Variants in IGF2BP3 observed in about 807,000 individuals in gnomAD.
The protein encoded by IGF2BP3 is insulin-like growth factor 2 mRNA-binding protein 3.
Under a neutral mutation model 73.8 loss-of-function variants are expected in IGF2BP3, and 9 were observed. The ratio of observed to expected loss-of-function variants is 0.12; its 90% CI spans 0.07 to 0.21. The LOEUF is 0.21. Ranked by LOEUF, IGF2BP3 falls within the 10% of genes least tolerant of loss-of-function variation. The probability of loss-of-function intolerance (pLI) is 1.00; values close to 1 mark genes in which losing one functional copy is unlikely to be tolerated. For synonymous variants in IGF2BP3, 258 were observed against 256.7 expected (o/e 1.01, Z -0.05); for missense variants, 542 against 714.0 (o/e 0.76, Z 2.75).
At chr7:23,459,052 C>T (rs1216704842) in intron 2 of IGF2BP3, among the ~76,000 whole-genome samples, 1 of 152,216 alleles carries the variant, frequency 6.6e-6, no homozygotes, top group African/African-American at 2.4e-5. Context: ...TTTGGTAAAG[C>T]ATCTACTGTG....
In IGF2BP3 at chr7:23,450,302, G is replaced by C. The variant is rs138138885; in HGVS notation, c.236+18180C>G. Reference sequence around the variant, plus strand: ...GTTGTTTGAGTTGCAAGACGAACCAGTCAAGCACCGTTTCTACCTGAAGAA... The same window carrying C: ...GTTGTTTGAGTTGCAAGACGAACCACTCAAGCACCGTTTCTACCTGAAGAA... On this transcript the variant is annotated intron_variant, in intron 2 of 14. Coordinates refer to ENST00000258729, the MANE Select transcript of IGF2BP3 (RefSeq NM_006547.3). Among the ~76,000 whole-genome samples the C allele has an allele frequency of 6.1e-3, 926 of 152,298 alleles. 11 individuals are homozygous for C. Among genetic ancestry groups the C allele is most frequent in the African/African-American group, 0.021 (886 of 41,566 alleles).
At chr7:23,384,049 T>C (rs942307978) in intron 3 of IGF2BP3, among the ~76,000 whole-genome samples, 8 of 147,032 alleles carry the variant, frequency 5.4e-5, no homozygotes, top group Non-Finnish European at 1.2e-4. Flanking sequence ...TGAGCCGAGA[T>C]TGTGCCACTG....
intron 10 of IGF2BP3, among the ~76,000 whole-genome samples, chr7:23,322,145 C>A (rs1056100341): frequency 6.6e-6 from 1 of 152,062 alleles, no homozygotes; most frequent in South Asian, 2.1e-4. Flanking sequence ...GAAATTCAAA[C>A]CAAAGGCAAA....
chr7:23,321,424 G>A (rs187216998), intron 10 of IGF2BP3, among the ~76,000 whole-genome samples: 2,828 of 152,302 alleles, frequency 0.019, 48 homozygotes, highest in South Asian at 0.069. Context: ...AGGGTCGTAC[G>A]CCCACGGAGT....
At chr7:23,316,412 T>A (rs1240687302) in intron 12 of IGF2BP3, among the ~76,000 whole-genome samples, 2 of 152,152 alleles carry the variant, frequency 1.3e-5, no homozygotes, top group Non-Finnish European at 2.9e-5. Flanking sequence ...AGGAGCACAG[T>A]GGCTGATGCC....
At position 23,407,949 on chromosome 7, in the gene IGF2BP3, GGGGC is replaced by G. The variant is rs1340643035; in HGVS notation, c.285+10823_285+10826del. Reference sequence around the variant, plus strand: ...TTGGTTCAACATTTGTGGGGGGCAGGGGGCGGGGGGCGGGGGGGGGGGGAGTCAA... The same window carrying G: ...TTGGTTCAACATTTGTGGGGGGCAGGGGGGGGCGGGGGGGGGGGGAGTCAA... On this transcript the variant is annotated intron_variant, in intron 3 of 14. Transcript: ENST00000258729. 8.9e-3 allele frequency among the ~76,000 whole-genome samples: 536 copies of G among 60,236 alleles called. 12 individuals carry two copies. The highest frequency in any genetic ancestry group is 0.015 in the Non-Finnish European group (431 of 27,836). 39.5% of individuals were successfully genotyped at this position (60,236 alleles called of 152,430 possible).
intron 2 of IGF2BP3, among the ~76,000 whole-genome samples, chr7:23,437,452 C>T (rs1344280964): frequency 6.6e-6 from 1 of 151,718 alleles, no homozygotes; most frequent in Non-Finnish European, 1.5e-5. Context: ...CATTGCATTC[C>T]AGCCTGGGGG....
chr7:23,438,689 C>T (rs944675364), intron 2 of IGF2BP3, among the ~76,000 whole-genome samples: 1 of 152,134 alleles, frequency 6.6e-6, no homozygotes, highest in African/African-American at 2.4e-5. Flanking sequence ...GGTTGTTAGG[C>T]TGATAAAATA....
intron 3 of IGF2BP3, among the ~76,000 whole-genome samples, chr7:23,377,398 G>A (rs1785761932): frequency 6.6e-6 from 1 of 152,080 alleles, no homozygotes; most frequent in Non-Finnish European, 1.5e-5. Context: ...TAGTCAGTAG[G>A]GTAACAGAAA....
chr7:23,382,305 T>C (rs907031502), intron 3 of IGF2BP3, among the ~76,000 whole-genome samples: 4 of 151,908 alleles, frequency 2.6e-5, no homozygotes, highest in African/African-American at 9.7e-5. Context: ...TATCTCTGAA[T>C]ACAACAAAAC....
chr7:23,443,478 C>T (rs1787984826), intron 2 of IGF2BP3, among the ~76,000 whole-genome samples: 1 of 151,844 alleles, frequency 6.6e-6, no homozygotes, highest in South Asian at 2.1e-4. Context: ...CCAGCCTGGC[C>T]AACATTGGGA....
intron 3 of IGF2BP3, among the ~76,000 whole-genome samples, chr7:23,383,676 G>A (rs775103760): frequency 6.6e-5 from 10 of 152,062 alleles, no homozygotes; most frequent in Non-Finnish European, 1.2e-4. Flanking sequence ...ACAAGAAATC[G>A]TACATTAATG....
At chr7:23,447,977 A>G (rs958090579) in intron 2 of IGF2BP3, among the ~76,000 whole-genome samples, 8 of 152,118 alleles carry the variant, frequency 5.3e-5, no homozygotes, top group Non-Finnish European at 8.8e-5. Context: ...AAGACTGGCT[A>G]AAAAATAAAA....
chr7:23,323,873 G>A (rs570933706), intron 10 of IGF2BP3, among the ~76,000 whole-genome samples: 1,861 of 151,560 alleles, frequency 0.012, 41 homozygotes, highest in African/African-American at 0.043. Flanking sequence ...TGAAACCAAC[G>A]AGAACAAAGA....
chr7:23,451,556 T>C (rs1472593784), intron 2 of IGF2BP3, among the ~76,000 whole-genome samples: 1 of 151,842 alleles, frequency 6.6e-6, no homozygotes, highest in Non-Finnish European at 1.5e-5. Context: ...ATTGCACCAT[T>C]GAATTCCACC....
chr7:23,317,639 C>T lies in IGF2BP3; in HGVS notation c.1395G>A (p.Lys465=), dbSNP rs907226331. The change falls in exon 12 of 15, where the codon AAG becomes AAA. Residue 465 remains lysine (K), a splice_region_variant and synonymous_variant. Transcript: ENST00000258729. ...IITGPPEAQF[K]AQGRIYGKIK... ...ATAGCACATACTCTAGAGCACATAC[C>T]TTGAACTGAGCCTCTGGTGGTCCAG... The T allele has an allele frequency of 3.1e-6, 5 of 1,613,484 alleles. No individual in the cohort carries two copies. Among genetic ancestry groups the T allele is most frequent in the Non-Finnish European group, 4.2e-6 (5 of 1,179,414 alleles).
At chr7:23,346,305 A>C in intron 7 of IGF2BP3, 1 of 420,396 alleles carries the variant, frequency 2.4e-6, no homozygotes, top group Non-Finnish European at 4.3e-6. Context: ...AAATATCTTC[A>C]GTGATGGAGT....
At chr7:23,455,223 C>G (rs547647445) in intron 2 of IGF2BP3, among the ~76,000 whole-genome samples, 2 of 152,216 alleles carry the variant, frequency 1.3e-5, no homozygotes, top group Admixed American at 6.5e-5. Context: ...CACTCCATCA[C>G]GCACGCAGGC....
chr7:23,421,386 G>T (rs1176330873), intron 2 of IGF2BP3, among the ~76,000 whole-genome samples: 1 of 151,914 alleles, frequency 6.6e-6, no homozygotes, highest in East Asian at 1.9e-4. Context: ...ACTGTTATAT[G>T]TTGCTTCAAT....
Sources: gnomAD v4.1 joint callset for allele counts (sites outside exome capture counted in the v4.1 genomes callset) on GRCh38, gnomAD v4.1.1 for gene constraint, MANE v1.5 for transcripts, NCBI Gene and HGNC (gene_info 2026-07-23, HGNC 2026-07-21) for gene names.